Variants in KNL1 observed in about 807,000 individuals in gnomAD.
KNL1 encodes the protein outer kinetochore KNL1 complex subunit KNL1.
A neutral mutation model predicts 201.3 loss-of-function variants in KNL1; 66 were observed. That is an observed-to-expected ratio of 0.33 (90% CI 0.27 to 0.40). The LOEUF (loss-of-function observed/expected upper bound fraction) is 0.40, where lower values mean the gene tolerates loss of function less well. Ranked by LOEUF, KNL1 falls within the 10% of genes least tolerant of loss-of-function variation. KNL1 has a pLI of 1.00. For synonymous variants in KNL1, 895 were observed against 899.2 expected, an observed-to-expected ratio of 1.00 and a Z score of 0.08; for missense variants, 2,815 against 2,690.5, an observed-to-expected ratio of 1.05 and a Z score of -1.02.
At position 40,605,125 on chromosome 15, in the gene KNL1, A is replaced by T. The variant is rs1397875069; in HGVS notation, c.51A>T (p.Arg17Ser). 2.0e-6 allele frequency: 3 copies of T among 1,481,014 alleles called. No homozygotes were observed. Among genetic ancestry groups the T allele is most frequent in the Non-Finnish European group, 2.8e-6 (3 of 1,060,652 alleles). The allele number at this position is 1,481,014 out of a possible 1,614,324, so 91.7% of individuals were successfully genotyped here. ...EANEENDNIE[R>S]PVRRRHSSIL... ...CCTTTTTCAGTGACAATATAGAGAG[A>T]CCTGTTAGAAGACGGCATTCTTCAG... is the stretch of plus-strand genomic sequence containing the variant. The change falls in exon 3 of 26, where the codon AGA becomes AGT. Residue 17 changes from arginine to serine, a missense_variant. By Grantham distance (110) the Arg-to-Ser change is moderately radical. Coordinates refer to ENST00000399668, the MANE Select transcript of KNL1 (RefSeq NM_144508.5).
intron 4 of KNL1, among the ~76,000 whole-genome samples, chr15:40,606,666 A>G (rs959313364): frequency 6.6e-6 from 1 of 152,178 alleles, no homozygotes. Flanking sequence ...TGGCACAATC[A>G]TAAGTCCCTG....
chr15:40,653,730 C>A (rs904939483), intron 21 of KNL1, among the ~76,000 whole-genome samples: 1 of 152,106 alleles, frequency 6.6e-6, no homozygotes, highest in Non-Finnish European at 1.5e-5. Flanking sequence ...TCTCCTTTTC[C>A]TATCTCATAC....
chr15:40,618,639 A>G (rs967216350), intron 8 of KNL1, among the ~76,000 whole-genome samples: 4 of 152,148 alleles, frequency 2.6e-5, no homozygotes, highest in African/African-American at 7.2e-5. Flanking sequence ...TGTCACTAAC[A>G]TAGGATAATT....
intron 14 of KNL1, chr15:40,643,327 C>T (rs1467603329): frequency 1.3e-5 from 2 of 152,126 alleles, no homozygotes; most frequent in Non-Finnish European, 2.9e-5. Context: ...CCATGCCTGG[C>T]TAATTTTTTC....
rs567959841 is a variant in KNL1, at chr15:40,596,498, G to A, written c.-18+2106G>A. ...TCACCACGTTGGCCAGGCTGGTCTC[G>A]AACTCTTGACCTCGGGATCCGCCTG... On this transcript the variant is annotated intron_variant, in intron 1 of 25. Coordinates refer to ENST00000399668, the MANE Select transcript of KNL1 (RefSeq NM_144508.5). Among the ~76,000 whole-genome samples, 20 of 151,958 alleles carry A rather than the reference G, an allele frequency of 1.3e-4. No individual in the cohort carries two copies. The East Asian group carries it at 3.7e-3, about 28-fold the overall frequency.
chr15:40,606,538 A>G (rs893819691), intron 4 of KNL1, 86 bp downstream of exon 4: 2 of 756,514 alleles, frequency 2.6e-6, no homozygotes, highest in African/African-American at 3.5e-5. Flanking sequence ...TTGAAGAGGA[A>G]ATGTGTAAGC....
chr15:40,618,518 GAATAAT>G (rs529826273), intron 8 of KNL1, among the ~76,000 whole-genome samples: 3 of 151,438 alleles, frequency 2.0e-5, no homozygotes, highest in Non-Finnish European at 2.9e-5. Flanking sequence ...ATAGAGAAGT[GAATAAT>G]AATAATAATA....
intron 8 of KNL1, among the ~76,000 whole-genome samples, chr15:40,618,309 C>G (rs1249758877): frequency 1.3e-5 from 2 of 151,936 alleles, no homozygotes; most frequent in Admixed American, 1.3e-4. Flanking sequence ...ATCAACTTCT[C>G]CTTATTACTT....
chr15:40,601,139 C>T (rs921620814), intron 1 of KNL1, among the ~76,000 whole-genome samples: 1 of 152,176 alleles, frequency 6.6e-6, no homozygotes, highest in Non-Finnish European at 1.5e-5. Context: ...CGCCTTCTGT[C>T]GGATCAGCAG....
intron 13 of KNL1, among the ~76,000 whole-genome samples, chr15:40,634,100 G>GTTGTTGT (rs1555421737): frequency 2.0e-5 from 3 of 151,426 alleles, no homozygotes; most frequent in Middle Eastern, 3.4e-3. Context: ...TGTTGTTGTT[G>GTTGTTGT]TTGTTTGTTT....
At chr15:40,647,723 A>G (rs1317172292) in intron 17 of KNL1, among the ~76,000 whole-genome samples, 1 of 152,204 alleles carries the variant, frequency 6.6e-6, no homozygotes. Context: ...CTGCATAGTC[A>G]TCAAATTTTG....
chr15:40,629,460 TAGAG>T (rs1252263768), intron 13 of KNL1, 89 bp downstream of exon 13: 16 of 503,922 alleles, frequency 3.2e-5, no homozygotes, highest in Non-Finnish European at 5.4e-5. Flanking sequence ...AATTTTCCTA[TAGAG>T]AGTTTTCTTT....
intron 10 of KNL1, 129 bp downstream of exon 10, chr15:40,625,769 G>A (rs1892734284): frequency 3.0e-6 from 2 of 673,468 alleles, no homozygotes; most frequent in Middle Eastern, 2.7e-4. Flanking sequence ...CCACTTAGAG[G>A]GCTGGAGAAA....
chr15:40,595,807 A>G (rs1403373419), intron 1 of KNL1, among the ~76,000 whole-genome samples: 2 of 152,184 alleles, frequency 1.3e-5, no homozygotes, highest in Admixed American at 1.3e-4. Context: ...AATGTAAATA[A>G]CTACTATATT....
Position 40,657,035 on chromosome 15 carries a change from T to G in KNL1, c.6485-7T>G, listed in dbSNP as rs748844594. ...ACCTGCTTTTGCTTTTTTTTTTCCT[T>G]CCCCAGAGGATCAAGCTCCTCCTTC... On this transcript the variant is annotated splice_region_variant and splice_polypyrimidine_tract_variant and intron_variant, in intron 22 of 25. Transcript: ENST00000399668. The G allele has an allele frequency of 6.9e-7, 1 of 1,450,838 alleles. No homozygotes were observed. Among genetic ancestry groups the G allele is most frequent in the East Asian group, 2.4e-5 (1 of 42,124 alleles). The allele number at this position is 1,450,838 out of a possible 1,614,324, so 89.9% of individuals were successfully genotyped here.
intron 17 of KNL1, among the ~76,000 whole-genome samples, chr15:40,647,899 T>A (rs1390143019): frequency 6.6e-6 from 1 of 152,212 alleles, no homozygotes; most frequent in East Asian, 1.9e-4. Flanking sequence ...GGCCTCTCTT[T>A]CTCTAACTGA....
intron 1 of KNL1, among the ~76,000 whole-genome samples, chr15:40,598,202 AAG>A (rs1397875890): frequency 1.3e-5 from 2 of 151,984 alleles, no homozygotes; most frequent in Non-Finnish European, 2.9e-5. Context: ...AAGAAAAAAA[AAG>A]AAAATATTTC....
At chr15:40,628,005 AGT>A (rs1298049979) in intron 10 of KNL1, 63 bp from the exon 11 acceptor site, 1 of 1,034,706 alleles carries the variant, frequency 9.7e-7, no homozygotes, top group Non-Finnish European at 1.4e-6. Flanking sequence ...TATTTCTGTT[AGT>A]GTTTGTCGTA....
chr15:40,662,229 T>C lies in KNL1; in HGVS notation c.*41T>C. The C allele has an allele frequency of 1.8e-6, 2 of 1,138,412 alleles. No individual in the cohort carries two copies. Among genetic ancestry groups the C allele is most frequent in the Non-Finnish European group, 2.7e-6 (2 of 751,330 alleles). The allele number at this position is 1,138,412 out of a possible 1,614,324, so 70.5% of individuals were successfully genotyped here. A position where few individuals can be genotyped will look rare whatever the true frequency, so the allele number is the denominator to read the frequency against. On this transcript the variant is annotated 3_prime_UTR_variant, in exon 26 of 26. Coordinates refer to ENST00000399668, the MANE Select transcript of KNL1 (RefSeq NM_144508.5). ...TTGGAACAACCAAGCAGAATGTACTTGATATTATTTCAGGGTCCCATTGCT... is the reference window on the plus strand; with the variant it reads ...TTGGAACAACCAAGCAGAATGTACTCGATATTATTTCAGGGTCCCATTGCT...
Sources: gnomAD v4.1 joint callset for allele counts (sites outside exome capture counted in the v4.1 genomes callset) on GRCh38, gnomAD v4.1.1 for gene constraint, MANE v1.5 for transcripts, NCBI Gene and HGNC (gene_info 2026-07-23, HGNC 2026-07-21) for gene names.